Variants in GALK2 observed in about 807,000 individuals in gnomAD.
GALK2 encodes the protein galactokinase 2.
A neutral mutation model predicts 52.4 loss-of-function variants in GALK2; 36 were observed. The observed-to-expected ratio is 0.69, with a 90% confidence interval of 0.53 to 0.91. The LOEUF is 0.91. Ranked by LOEUF, GALK2 falls within the 40% of genes least tolerant of loss-of-function variation. GALK2 has a pLI of 0.00. For synonymous variants in GALK2, 176 were observed against 199.1 expected, an observed-to-expected ratio of 0.88 and a Z score of 0.98; for missense variants, 579 against 559.1, an observed-to-expected ratio of 1.04 and a Z score of -0.36.
At chr15:49,235,055 G>A (rs2090726324) in intron 3 of GALK2, among the ~76,000 whole-genome samples, 1 of 152,166 alleles carries the variant, frequency 6.6e-6, no homozygotes, top group South Asian at 2.1e-4. Flanking sequence ...GTGAGCTGCT[G>A]CGCCTGGCCC....
At chr15:49,293,331 A>G (rs757050971) in intron 8 of GALK2, among the ~76,000 whole-genome samples, 61 of 152,260 alleles carry the variant, frequency 4.0e-4, no homozygotes, top group Non-Finnish European at 4.7e-4. Flanking sequence ...TAAGGGAATC[A>G]TTTGGAAGTA....
At chr15:49,194,562 G>C (rs2087044415) in intron 1 of GALK2, among the ~76,000 whole-genome samples, 1 of 148,610 alleles carries the variant, frequency 6.7e-6, no homozygotes, top group African/African-American at 2.5e-5. Context: ...TTTTTTTAGT[G>C]TTTTGCCCAC....
intron 5 of GALK2, among the ~76,000 whole-genome samples, chr15:49,272,445 G>A (rs1228461528): frequency 6.6e-6 from 1 of 152,080 alleles, no homozygotes; most frequent in Non-Finnish European, 1.5e-5. Context: ...AGATCACCTG[G>A]GGATCTTGTT....
chr15:49,355,659 A>G (rs547674466), intron 3 of GALK2, among the ~76,000 whole-genome samples: 263 of 152,084 alleles, frequency 1.7e-3, no homozygotes, highest in African/African-American at 6.0e-3. Context: ...AAGTTGGAAA[A>G]CACTCTGCAG....
chr15:49,185,855 A>C (rs981492816), intron 1 of GALK2, among the ~76,000 whole-genome samples: 2 of 152,012 alleles, frequency 1.3e-5, no homozygotes, highest in African/African-American at 4.8e-5. Flanking sequence ...TTCATGTTTG[A>C]AGGATATTTT....
At chr15:49,204,514 G>T (rs2088099681) in intron 2 of GALK2, among the ~76,000 whole-genome samples, 1 of 151,912 alleles carries the variant, frequency 6.6e-6, no homozygotes, top group Admixed American at 6.5e-5. Flanking sequence ...TCTTTCATCA[G>T]TGTTTTATTG....
chr15:49,213,977 G>A (rs117955698), intron 2 of GALK2, among the ~76,000 whole-genome samples: 3,221 of 152,004 alleles, frequency 0.021, 94 homozygotes, highest in South Asian at 0.077. Context: ...AGATTTAGCT[G>A]GGCATGGTGG....
upstream of GALK2, chr15:49,170,191 GC>G: frequency 6.7e-7 from 1 of 1,483,256 alleles, no homozygotes; most frequent in Non-Finnish European, 9.0e-7. Context: ...CAGCGAAGCT[GC>G]AGGATTTCCG....
intron 1 of GALK2, among the ~76,000 whole-genome samples, chr15:49,183,292 C>T (rs1379690126): frequency 1.3e-5 from 2 of 151,978 alleles, no homozygotes; most frequent in Non-Finnish European, 2.9e-5. Flanking sequence ...TTGACATGGG[C>T]ATTTATTTCT....
chr15:49,160,483 A>C (rs1280939686), intron 1 of GALK2, among the ~76,000 whole-genome samples: 1 of 152,040 alleles, frequency 6.6e-6, no homozygotes, highest in Non-Finnish European at 1.5e-5. Context: ...ACTTTACAAC[A>C]AAACAAACCT....
intron 8 of GALK2, among the ~76,000 whole-genome samples, chr15:49,299,033 T>A (rs770043408): frequency 6.6e-6 from 1 of 152,184 alleles, no homozygotes; most frequent in Non-Finnish European, 1.5e-5. Context: ...ATCCATCTGC[T>A]CCAGGGCTTT....
chr15:49,346,437 C>A (rs771556363), intron 3 of GALK2, among the ~76,000 whole-genome samples: 4 of 152,158 alleles, frequency 2.6e-5, no homozygotes, highest in Non-Finnish European at 5.9e-5. Context: ...ACCCCCATTT[C>A]CCTAACCCAA....
intron 3 of GALK2, among the ~76,000 whole-genome samples, chr15:49,235,318 A>G (rs1474102102): frequency 6.6e-6 from 1 of 152,058 alleles, no homozygotes; most frequent in African/African-American, 2.4e-5. Context: ...TTTCCTCTTC[A>G]TTTAGCTTTG....
chr15:49,216,561 G>T (rs1262161997), intron 2 of GALK2, among the ~76,000 whole-genome samples: 2 of 152,228 alleles, frequency 1.3e-5, no homozygotes, highest in East Asian at 1.9e-4. Context: ...TCCAAGGCCG[G>T]TGCAGTACCA....
intron 1 of GALK2, among the ~76,000 whole-genome samples, chr15:49,164,780 CAAAAAAAAAAAAAAAA>C (rs36107125): frequency 3.5e-4 from 23 of 65,184 alleles, no homozygotes; most frequent in African/African-American, 1.3e-3. Context: ...AACTCCGTCT[CAAAAAAAAAAAAAAAA>C]AAAAAAAAAA....
At chr15:49,219,488 A>G (rs1056044928) in intron 3 of GALK2, among the ~76,000 whole-genome samples, 3 of 152,202 alleles carry the variant, frequency 2.0e-5, no homozygotes, top group Admixed American at 6.5e-5. Context: ...TATCAGCAGC[A>G]TGAAAATGAA....
At chr15:49,293,523 A>G (rs927191147) in intron 8 of GALK2, among the ~76,000 whole-genome samples, 5 of 152,232 alleles carry the variant, frequency 3.3e-5, no homozygotes, top group South Asian at 2.1e-4. Context: ...CCTTTGCACT[A>G]TAAGAGTTGA....
intron 2 of GALK2, among the ~76,000 whole-genome samples, chr15:49,206,644 C>T (rs993885950): frequency 4.0e-5 from 6 of 151,880 alleles, no homozygotes; most frequent in South Asian, 2.1e-4. Context: ...ATTCTCTGGT[C>T]GCTGTTGGTA....
chr15:49,178,288 T>G (rs984514197), intron 1 of GALK2: 1 of 139,356 alleles, frequency 7.2e-6, no homozygotes, highest in Non-Finnish European at 1.5e-5. Context: ...ATGTATATCA[T>G]ATATACATGT....
Sources: allele counts gnomAD v4.1 joint callset (sites outside exome capture counted in the v4.1 genomes callset), GRCh38; gene constraint gnomAD v4.1.1; transcripts MANE v1.5; gene names NCBI Gene and HGNC (gene_info 2026-07-23, HGNC 2026-07-21).